KCTD20: variants seen among roughly 807,000 people sequenced by gnomAD.
The protein encoded by KCTD20 is BTB/POZ domain-containing protein KCTD20.
Under a neutral mutation model 39.6 loss-of-function variants are expected in KCTD20, and 30 were observed. The observed-to-expected ratio is 0.76, with a 90% CI of 0.57 to 1.03. The LOEUF (loss-of-function observed/expected upper bound fraction) is 1.03, where lower values mean the gene tolerates loss of function less well. Among genes scored for constraint, KCTD20 ranks in the 50% least tolerant of loss-of-function variants. KCTD20 has a pLI of 0.00. For missense variants in KCTD20, 422 were observed against 522.0 expected, an observed-to-expected ratio of 0.81 and a Z score of 1.87; for synonymous variants, 162 against 180.6, an observed-to-expected ratio of 0.90 and a Z score of 0.83.
intron 2 of KCTD20, among the ~76,000 whole-genome samples, chr6:36,473,339 G>C (rs1325676850): frequency 6.6e-6 from 1 of 152,036 alleles, no homozygotes; most frequent in Non-Finnish European, 1.5e-5. Context: ...TGGGACTACA[G>C]GCGTGAGCCA....
intron 1 of KCTD20, among the ~76,000 whole-genome samples, chr6:36,444,520 C>A (rs934906156): frequency 6.6e-6 from 1 of 152,052 alleles, no homozygotes; most frequent in Non-Finnish European, 1.5e-5. Context: ...TGCCATTAGG[C>A]CAAATCTCCT....
intron 1 of KCTD20, among the ~76,000 whole-genome samples, chr6:36,466,188 G>T (rs1484846114): frequency 6.7e-6 from 1 of 149,872 alleles, no homozygotes; most frequent in Non-Finnish European, 1.5e-5. Context: ...TCAGCCTCCC[G>T]AGTAGCTGGG....
chr6:36,452,070 C>T (rs1277682932), intron 1 of KCTD20, among the ~76,000 whole-genome samples: 2 of 152,180 alleles, frequency 1.3e-5, no homozygotes, highest in Non-Finnish European at 2.9e-5. Context: ...CTTGGCCTCC[C>T]AAAGTGCTGG....
At chr6:36,475,379 G>C (rs1285287129) in intron 3 of KCTD20, among the ~76,000 whole-genome samples, 1 of 151,830 alleles carries the variant, frequency 6.6e-6, no homozygotes, top group Non-Finnish European at 1.5e-5. Flanking sequence ...AACCTGGAAG[G>C]TGGAGGTTGC....
chr6:36,474,119 A>G (rs752451248), intron 2 of KCTD20, among the ~76,000 whole-genome samples: 2 of 151,992 alleles, frequency 1.3e-5, no homozygotes, highest in Non-Finnish European at 2.9e-5. Context: ...ACATGTGCAC[A>G]TTGTGCAGGT....
chr6:36,470,402 C>A (rs948155039), intron 2 of KCTD20, 145 bp downstream of exon 2: 12 of 725,814 alleles, frequency 1.7e-5, no homozygotes, highest in African/African-American at 1.6e-4. Context: ...TAAAGCTGAC[C>A]TTCACAGAAA....
intron 6 of KCTD20, among the ~76,000 whole-genome samples, chr6:36,482,090 A>T (rs192404979): frequency 1.4e-3 from 207 of 152,348 alleles, no homozygotes; most frequent in African/African-American, 4.5e-3. Flanking sequence ...GATATACACT[A>T]AAAAGTCTTA....
intron 7 of KCTD20, among the ~76,000 whole-genome samples, chr6:36,486,400 A>G (rs1444329554): frequency 6.6e-6 from 1 of 151,932 alleles, no homozygotes; most frequent in East Asian, 1.9e-4. Flanking sequence ...TACTTTGACT[A>G]TTTTTCCCAT....
intron 4 of KCTD20, 37 bp from the exon 5 acceptor site, chr6:36,479,554 T>C: frequency 6.3e-7 from 1 of 1,581,692 alleles, no homozygotes. Flanking sequence ...TTCATCTTGT[T>C]CTCTGCCTAC....
At chr6:36,447,835 A>G (rs1403289658) in intron 1 of KCTD20, among the ~76,000 whole-genome samples, 1 of 151,486 alleles carries the variant, frequency 6.6e-6, no homozygotes, top group Non-Finnish European at 1.5e-5. Flanking sequence ...TACAAAAAAT[A>G]TAAAAATGAG....
chr6:36,454,728 G>A (rs1383831712), intron 1 of KCTD20, among the ~76,000 whole-genome samples: 4 of 150,898 alleles, frequency 2.7e-5, no homozygotes, highest in Admixed American at 2.0e-4. Flanking sequence ...AACCTCCGCC[G>A]CCGGGTTCAA....
chr6:36,468,210 C>G (rs1775816683), intron 1 of KCTD20, among the ~76,000 whole-genome samples: 1 of 152,200 alleles, frequency 6.6e-6, no homozygotes, highest in Non-Finnish European at 1.5e-5. Context: ...GATACCTACC[C>G]TGCTAAACTC....
rs111494364 is a variant in KCTD20, at chr6:36,487,059, G to A, written c.1144G>A (p.Gly382Arg). Residue 382 changes from glycine to arginine, a missense_variant, in exon 8 of 8, where the codon GGA becomes AGA. Coordinates refer to ENST00000373731, the MANE Select transcript of KCTD20 (RefSeq NM_173562.5). The stretch of plus-strand genomic sequence containing the variant: ...ATCCCTCACGAATCTGGTAGCTGCT[G>A]GAGATGATGTCTTGGAGGACCAGGA... Reference protein sequence around the residue: ...SKSLTNLVAAGDDVLEDQEIL... With the variant: ...SKSLTNLVAARDDVLEDQEIL... The A allele has an allele frequency of 1.5e-3, 2,390 of 1,614,240 alleles. 5 individuals carry two copies. Among genetic ancestry groups the A allele is most frequent in the Non-Finnish European group, 1.8e-3 (2,163 of 1,180,052 alleles).
At chr6:36,475,174 G>A (rs957461549) in intron 3 of KCTD20, 112 bp downstream of exon 3, 57 of 1,110,864 alleles carry the variant, frequency 5.1e-5, no homozygotes, top group East Asian at 2.0e-4. Flanking sequence ...GGTTGGGCGC[G>A]GTGGCTCACG....
At chr6:36,478,956 T>G (rs1776152792) in intron 3 of KCTD20, among the ~76,000 whole-genome samples, 165 bp from the exon 4 acceptor site, 1 of 152,242 alleles carries the variant, frequency 6.6e-6, no homozygotes, top group African/African-American at 2.4e-5. Flanking sequence ...GGGAGCTTCC[T>G]AAGACTTGAG....
Position 36,481,572 on chromosome 6 carries a change from C to T in KCTD20, c.669C>T (p.Leu223=), listed in dbSNP as rs1776250015. The T allele has an allele frequency of 6.2e-7, 1 of 1,613,802 alleles. No individual in the cohort carries two copies. Among genetic ancestry groups the T allele is most frequent in the South Asian group, 1.1e-5 (1 of 91,068 alleles). ...ATTTTCTCTCTGCAGGTGCTTTACT[C>T]CATGAACTGTCTAATGACGGTGCTC... ...TIRCQDLSAL[L]HELSNDGAHK... The change falls in exon 6 of 8, where the codon CTC becomes CTT. Residue 223 remains leucine (L), a synonymous_variant. Coordinates refer to ENST00000373731, the MANE Select transcript of KCTD20 (RefSeq NM_173562.5).
At chr6:36,484,554 C>A (rs1250610910) in intron 6 of KCTD20, among the ~76,000 whole-genome samples, 160 bp from the exon 7 acceptor site, 5 of 152,094 alleles carry the variant, frequency 3.3e-5, no homozygotes, top group Non-Finnish European at 5.9e-5. Flanking sequence ...ATAAAAATTT[C>A]TCTTACGGTT....
intron 1 of KCTD20, among the ~76,000 whole-genome samples, chr6:36,449,758 C>T (rs192236454): frequency 2.6e-5 from 4 of 152,254 alleles, no homozygotes; most frequent in African/African-American, 4.8e-5. Context: ...TTAATGACTT[C>T]GTTTAAAAGG....
At chr6:36,465,782 T>C (rs1255765888) in intron 1 of KCTD20, 1 of 152,150 alleles carries the variant, frequency 6.6e-6, no homozygotes, top group Non-Finnish European at 1.5e-5. Flanking sequence ...TCTTAAAATA[T>C]ATAGCTCCTC....
Sources: gnomAD v4.1 joint callset for allele counts (sites outside exome capture counted in the v4.1 genomes callset) on GRCh38, gnomAD v4.1.1 for gene constraint, MANE v1.5 for transcripts, NCBI Gene and HGNC (gene_info 2026-07-23, HGNC 2026-07-21) for gene names.